COL24A1: variants seen among roughly 807,000 people sequenced by gnomAD.
COL24A1 encodes the protein collagen type XXIV alpha 1 chain.
In COL24A1, 224 loss-of-function variants were observed where a neutral mutation model predicts 253.9. The observed-to-expected ratio is 0.88, with a 90% confidence interval of 0.79 to 0.99. The LOEUF is 0.99. Ranked by LOEUF, COL24A1 falls within the 50% of genes least tolerant of loss-of-function variation. The pLI is 0.00. For synonymous variants in COL24A1, 685 were observed against 673.7 expected, an observed-to-expected ratio of 1.02 and a Z score of -0.26; for missense variants, 2,131 against 2,068.5, an observed-to-expected ratio of 1.03 and a Z score of -0.59.
chr1:86,060,437 G>C (rs1701000120), intron 8 of COL24A1, among the ~76,000 whole-genome samples: 1 of 152,108 alleles, frequency 6.6e-6, no homozygotes, highest in African/African-American at 2.4e-5. Context: ...CTCTGAAGTA[G>C]ATAGAAGAGT....
At chr1:86,074,030 G>A (rs1215531320) in intron 7 of COL24A1, among the ~76,000 whole-genome samples, 1 of 152,108 alleles carries the variant, frequency 6.6e-6, no homozygotes, top group East Asian at 1.9e-4. Flanking sequence ...AAAGACCATT[G>A]ACACCATAAA....
At chr1:85,960,292 T>C (rs750049294) in intron 24 of COL24A1, among the ~76,000 whole-genome samples, 2 of 152,168 alleles carry the variant, frequency 1.3e-5, no homozygotes, top group Non-Finnish European at 2.9e-5. Flanking sequence ...CGAATTCACT[T>C]TCCTGGTGTT....
intron 5 of COL24A1, among the ~76,000 whole-genome samples, chr1:86,108,589 C>T (rs1705217642): frequency 1.6e-5 from 2 of 128,784 alleles, no homozygotes; most frequent in Non-Finnish European, 1.6e-5. Flanking sequence ...TCGAGACCAG[C>T]CTGATGAAAA....
At chr1:86,101,956 T>C (rs941647667) in intron 5 of COL24A1, among the ~76,000 whole-genome samples, 1 of 152,106 alleles carries the variant, frequency 6.6e-6, no homozygotes, top group African/African-American at 2.4e-5. Context: ...CAGTAGGAAT[T>C]GTACCAGCTC....
intron 3 of COL24A1, among the ~76,000 whole-genome samples, chr1:86,116,577 A>G (rs74599295): frequency 0.019 from 2,842 of 152,302 alleles, 34 homozygotes; most frequent in Non-Finnish European, 0.031. Context: ...GGAAAGGATC[A>G]TTCCAATTCA....
chr1:85,737,645 C>T (rs527350629), intron 57 of COL24A1, 140 bp from the exon 58 acceptor site: 4 of 531,802 alleles, frequency 7.5e-6, no homozygotes, highest in Non-Finnish European at 9.8e-6. Flanking sequence ...CTCACTGTAA[C>T]CTCCGCTTCC....
intron 52 of COL24A1, 52 bp downstream of exon 52, chr1:85,781,168 T>A: frequency 2.3e-6 from 3 of 1,300,712 alleles, no homozygotes; most frequent in Non-Finnish European, 3.2e-6. Flanking sequence ...ATTCTAGAAA[T>A]AGAATTAAAG....
intron 2 of COL24A1, among the ~76,000 whole-genome samples, chr1:86,130,475 A>G (rs1231845096): frequency 6.6e-6 from 1 of 151,738 alleles, no homozygotes; most frequent in Non-Finnish European, 1.5e-5. Flanking sequence ...GAGATTTAGA[A>G]GGGTTTGTAT....
Position 86,086,936 on chromosome 1 carries a change from C to T in COL24A1, c.1707+2238G>A, listed in dbSNP as rs1187525071. Among the ~76,000 whole-genome samples, 4 of 152,130 alleles carry T rather than the reference C, an allele frequency of 2.6e-5. No individual in the cohort carries two copies. In the East Asian group the frequency reaches 7.7e-4, roughly 29 times the overall value. ...ACACTCTGAAAAGGGGGAAAATATT[C>T]CAAGAAATATTACAAAATAATCTCA... On this transcript the variant is annotated intron_variant, in intron 7 of 59. Coordinates refer to ENST00000370571, the MANE Select transcript of COL24A1 (RefSeq NM_152890.7).
At chr1:85,952,318 T>C (rs1690015084) in intron 24 of COL24A1, among the ~76,000 whole-genome samples, 2 of 152,152 alleles carry the variant, frequency 1.3e-5, no homozygotes, top group African/African-American at 4.8e-5. Context: ...GATTCTTAAG[T>C]GTTTGTTAAG....
intron 19 of COL24A1, among the ~76,000 whole-genome samples, chr1:86,010,782 C>T (rs1696417909): frequency 6.6e-6 from 1 of 151,916 alleles, no homozygotes; most frequent in Admixed American, 6.6e-5. Context: ...TAAAGAGCTC[C>T]ATGAATTGAT....
chr1:85,998,610 C>G (rs1483360948), intron 19 of COL24A1, among the ~76,000 whole-genome samples: 2 of 152,172 alleles, frequency 1.3e-5, no homozygotes, highest in Admixed American at 6.5e-5. Flanking sequence ...ACACATTCTG[C>G]AAATGAGGTA....
intron 18 of COL24A1, among the ~76,000 whole-genome samples, chr1:86,018,533 C>T (rs1224240630): frequency 6.6e-6 from 1 of 152,158 alleles, no homozygotes; most frequent in African/African-American, 2.4e-5. Flanking sequence ...AATTTCTAAG[C>T]AGTGAGGATA....
At chr1:85,813,718 T>A (rs1284200855) in intron 47 of COL24A1, among the ~76,000 whole-genome samples, 1 of 150,762 alleles carries the variant, frequency 6.6e-6, no homozygotes, top group Non-Finnish European at 1.5e-5. Context: ...GCCCGGCTAA[T>A]TTTTTTGTAT....
rs190256903 is a variant in COL24A1, at chr1:86,132,740, C to T, written c.122-6526G>A. 9.1e-3 allele frequency among the ~76,000 whole-genome samples: 1,388 copies of T among 152,234 alleles called. 16 individuals carry two copies. The highest frequency in any genetic ancestry group is 0.032 in the African/African-American group (1,327 of 41,546). The stretch of plus-strand genomic sequence containing the variant: ...ATTGGTCTATATCTCTGTTTTGGTA[C>T]CAGTACCATGCTGTTTTGGTTACTG... On this transcript the variant is annotated intron_variant, in intron 2 of 59. Transcript: ENST00000370571.
At chr1:86,070,033 G>C (rs1444203036) in intron 7 of COL24A1, among the ~76,000 whole-genome samples, 1 of 152,164 alleles carries the variant, frequency 6.6e-6, no homozygotes, top group Admixed American at 6.5e-5. Context: ...CTTTCAAACA[G>C]AGAATTCAAA....
intron 43 of COL24A1, among the ~76,000 whole-genome samples, chr1:85,832,538 T>C (rs2102137870): frequency 6.6e-6 from 1 of 151,124 alleles, no homozygotes; most frequent in East Asian, 1.9e-4. Context: ...TTTCACGATA[T>C]TGATTCTTCC....
intron 55 of COL24A1, among the ~76,000 whole-genome samples, chr1:85,757,799 G>A (rs1666419152): frequency 6.6e-6 from 1 of 152,104 alleles, no homozygotes; most frequent in Non-Finnish European, 1.5e-5. Flanking sequence ...GGATTTGCCT[G>A]GGAAGTCATT....
At position 86,125,815 on chromosome 1, in the gene COL24A1, C is replaced by T. The variant is rs368053899; in HGVS notation, c.521G>A (p.Ser174Asn). ...HSFAITIRNQ[S>N]VSMFVECGKK... ...TCCACACTCAACAAACATTGAGACACTTTGGTTTCTAATAGTAATGGCAAA... is the reference window on the plus strand; with the variant it reads ...TCCACACTCAACAAACATTGAGACATTTTGGTTTCTAATAGTAATGGCAAA... The change falls in exon 3 of 60, where the codon AGT (serine) becomes AAT (asparagine). Residue 174 changes from serine to asparagine, a missense_variant. Coordinates refer to ENST00000370571, the MANE Select transcript of COL24A1 (RefSeq NM_152890.7). The T allele has an allele frequency of 1.9e-6, 3 of 1,613,122 alleles. No individual in the cohort carries two copies. The highest frequency in any genetic ancestry group is 3.3e-5 in the Admixed American group (2 of 59,806).
Sources: allele counts gnomAD v4.1 joint callset (sites outside exome capture counted in the v4.1 genomes callset), GRCh38; gene constraint gnomAD v4.1.1; transcripts MANE v1.5; gene names NCBI Gene and HGNC (gene_info 2026-07-23, HGNC 2026-07-21).